The following FAM13A variants were observed in gnomAD, a reference collection of about 807,000 sequenced individuals.
The protein encoded by FAM13A is protein FAM13A.
Under a neutral mutation model 129.6 loss-of-function variants are expected in FAM13A, and 76 were observed. The observed-to-expected ratio is 0.59, with a 90% CI of 0.49 to 0.71. FAM13A has a LOEUF of 0.71. FAM13A is among the 30% of genes least tolerant of loss of function. The pLI, the probability that FAM13A is intolerant of heterozygous loss-of-function variation, is 0.00. For synonymous variants in FAM13A, 443 were observed against 449.9 expected (o/e 0.98, Z 0.20); for missense variants, 1,108 against 1,249.3 (o/e 0.89, Z 1.70).
At chr4:88,949,883 G>T (rs985958900) in intron 4 of FAM13A, among the ~76,000 whole-genome samples, 3 of 152,094 alleles carry the variant, frequency 2.0e-5, no homozygotes, top group African/African-American at 7.2e-5. Flanking sequence ...CTTCTCAAAA[G>T]CACTACAGAA....
chr4:88,803,674 T>G (rs564772242), intron 8 of FAM13A, among the ~76,000 whole-genome samples: 2 of 152,338 alleles, frequency 1.3e-5, no homozygotes, highest in Non-Finnish European at 2.9e-5. Context: ...GCTGATTTGG[T>G]TGGCAGGAAA....
At chr4:88,813,404 T>TG (rs1458172691) in intron 7 of FAM13A, among the ~76,000 whole-genome samples, 1 of 152,184 alleles carries the variant, frequency 6.6e-6, no homozygotes, top group African/African-American at 2.4e-5. Flanking sequence ...TAACGTTCTT[T>TG]GGGGGGATGA....
At chr4:88,922,928 G>A (rs1173218362) in intron 5 of FAM13A, among the ~76,000 whole-genome samples, 22 of 152,108 alleles carry the variant, frequency 1.4e-4, no homozygotes, top group Admixed American at 3.9e-4. Flanking sequence ...ACACCTCTAC[G>A]CAAATAAACT....
chr4:88,987,286 AACTGAATCAG>A (rs1272969543), intron 4 of FAM13A, among the ~76,000 whole-genome samples: 2 of 152,200 alleles, frequency 1.3e-5, no homozygotes, highest in Non-Finnish European at 2.9e-5. Context: ...AAAAAGAAAA[AACTGAATCAG>A]ACTAGGATTT....
intron 3 of FAM13A, among the ~76,000 whole-genome samples, chr4:89,012,146 A>G (rs935159256): frequency 6.6e-6 from 1 of 152,238 alleles, no homozygotes; most frequent in Non-Finnish European, 1.5e-5. Flanking sequence ...CCTAAATTAA[A>G]TGAATCCTCT....
intron 6 of FAM13A, among the ~76,000 whole-genome samples, chr4:88,884,710 C>T (rs763503002): frequency 3.3e-5 from 5 of 152,070 alleles, no homozygotes; most frequent in East Asian, 1.9e-4. Context: ...ATCAAACTGT[C>T]GCTGTTTGCT....
intron 11 of FAM13A, among the ~76,000 whole-genome samples, chr4:88,773,606 T>A (rs1313931170): frequency 6.6e-6 from 1 of 152,284 alleles, no homozygotes; most frequent in East Asian, 1.9e-4. Context: ...CCCTAAATGC[T>A]GGTAGGTCTC....
intron 5 of FAM13A, among the ~76,000 whole-genome samples, chr4:88,927,176 C>A (rs1204286318): frequency 2.0e-5 from 3 of 151,680 alleles, no homozygotes; most frequent in Non-Finnish European, 4.4e-5. Context: ...CTTTCACCTT[C>A]TTGTTTAAAT....
At chr4:88,765,404 G>T (rs1048328288) in intron 13 of FAM13A, among the ~76,000 whole-genome samples, 1 of 152,188 alleles carries the variant, frequency 6.6e-6, no homozygotes, top group South Asian at 2.1e-4. Flanking sequence ...CTTATGCAAT[G>T]AGACCTGAAA....
At position 88,748,047 on chromosome 4, in the gene FAM13A, G is replaced by A. The variant is rs189150225; in HGVS notation, c.2162-196C>T. Among the ~76,000 whole-genome samples the A allele has an allele frequency of 4.1e-3, 627 of 152,066 alleles. 6 individuals carry two copies. The highest frequency in any genetic ancestry group is 0.015 in the African/African-American group (608 of 41,466). On this transcript the variant is annotated intron_variant, in intron 17 of 23. Transcript: ENST00000264344. The stretch of plus-strand genomic sequence containing the variant: ...TGGGACTACAGGTGCCCGCCACCAC[G>A]CCCGGCTAATTTTTTTTGGTATTTT...
intron 6 of FAM13A, among the ~76,000 whole-genome samples, chr4:88,886,622 A>T (rs943084443): frequency 7.3e-5 from 11 of 150,144 alleles, no homozygotes; most frequent in Admixed American, 2.0e-4. Flanking sequence ...ATTATGGTAT[A>T]TAGGCCTGGT....
At chr4:88,784,808 TC>T (rs1227280948) in intron 10 of FAM13A, among the ~76,000 whole-genome samples, 1 of 152,156 alleles carries the variant, frequency 6.6e-6, no homozygotes, top group African/African-American at 2.4e-5. Flanking sequence ...ATAACAGACT[TC>T]CATATACCCA....
At chr4:89,027,349 T>A (rs942597772) in intron 2 of FAM13A, among the ~76,000 whole-genome samples, 2 of 151,866 alleles carry the variant, frequency 1.3e-5, no homozygotes, top group Non-Finnish European at 2.9e-5. Flanking sequence ...TCTAAAAAAA[T>A]TTTTTTTAAT....
chr4:88,772,600 A>G (rs1202014496), intron 11 of FAM13A, among the ~76,000 whole-genome samples: 3 of 152,208 alleles, frequency 2.0e-5, no homozygotes, highest in African/African-American at 7.2e-5. Flanking sequence ...TGGAGGTTAT[A>G]TCCCAATAAA....
intron 3 of FAM13A, among the ~76,000 whole-genome samples, chr4:89,017,350 G>A (rs1466603409): frequency 6.6e-6 from 1 of 152,032 alleles, no homozygotes; most frequent in Non-Finnish European, 1.5e-5. Flanking sequence ...AATGAGTCTT[G>A]CTTTTAGAAT....
intron 4 of FAM13A, among the ~76,000 whole-genome samples, chr4:88,958,695 C>T (rs1248583018): frequency 3.9e-5 from 6 of 152,302 alleles, no homozygotes; most frequent in South Asian, 2.1e-4. Flanking sequence ...GGAGGGGAAA[C>T]GTGGAGTTGG....
intron 3 of FAM13A, among the ~76,000 whole-genome samples, 180 bp downstream of exon 3, chr4:89,020,280 C>A (rs866238394): frequency 1.6e-5 from 2 of 124,736 alleles, no homozygotes; most frequent in East Asian, 4.6e-4. Context: ...TTTTTCTGCC[C>A]TTTTTTTTTT....
intron 3 of FAM13A, among the ~76,000 whole-genome samples, chr4:89,011,721 A>C (rs1469550139): frequency 6.6e-6 from 1 of 152,028 alleles, no homozygotes; most frequent in Non-Finnish European, 1.5e-5. Flanking sequence ...CATGTCCTTA[A>C]CTCACTTAAA....
chr4:88,974,030 C>T (rs1342401552), intron 4 of FAM13A, among the ~76,000 whole-genome samples: 1 of 152,144 alleles, frequency 6.6e-6, no homozygotes, highest in Non-Finnish European at 1.5e-5. Flanking sequence ...GAGCAAAATG[C>T]TCTAGTATAT....
Sources: allele counts gnomAD v4.1 joint callset (sites outside exome capture counted in the v4.1 genomes callset), GRCh38; gene constraint gnomAD v4.1.1; transcripts MANE v1.5; gene names NCBI Gene and HGNC (gene_info 2026-07-23, HGNC 2026-07-21).